The following NRXN3 variants were observed in gnomAD, a reference collection of about 807,000 sequenced individuals.
The protein encoded by NRXN3 is neurexin III.
A neutral mutation model predicts 137.6 loss-of-function variants in NRXN3; 32 were observed. That is an observed-to-expected ratio of 0.23 (90% CI 0.18 to 0.31). The LOEUF is 0.31. Ranked by LOEUF, NRXN3 falls within the 10% of genes least tolerant of loss-of-function variation. NRXN3 has a pLI of 1.00. For synonymous variants in NRXN3, 798 were observed against 784.5 expected (o/e 1.02, Z -0.29); for missense variants, 1,574 against 2,062.5 (o/e 0.76, Z 4.59).
At chr14:79,229,905 C>T (rs541148137) in intron 15 of NRXN3, among the ~76,000 whole-genome samples, 3 of 152,186 alleles carry the variant, frequency 2.0e-5, no homozygotes, top group East Asian at 3.9e-4. Flanking sequence ...ATTCAGCATG[C>T]ACAGGCTTCC....
At chr14:79,129,921 A>G (rs1215148137) in intron 15 of NRXN3, among the ~76,000 whole-genome samples, 1 of 146,792 alleles carries the variant, frequency 6.8e-6, no homozygotes, top group Admixed American at 6.8e-5. Flanking sequence ...TGATCCCTTT[A>G]CCATTATGTA....
intron 15 of NRXN3, among the ~76,000 whole-genome samples, chr14:79,146,405 G>A (rs1015002050): frequency 6.6e-6 from 1 of 152,126 alleles, no homozygotes; most frequent in Admixed American, 6.6e-5. Context: ...GGTGTTCTAG[G>A]TAGGATAGTA....
rs562028467 is a variant in NRXN3, at chr14:79,511,924, A to G, written c.3444+44522A>G. Among the ~76,000 whole-genome samples the G allele has an allele frequency of 4.1e-4, 63 of 152,324 alleles. 1 individual carries two copies. Among genetic ancestry groups the G allele is most frequent in the South Asian group, 1.2e-3 (6 of 4,826 alleles). On this transcript the variant is annotated intron_variant, in intron 16 of 20. Transcript: ENST00000335750. Reference sequence around the variant, plus strand: ...TGTTGTTCTTGTTGTTGTTTGAGACAGTTTTGCTCTTGTTGCCCAGGCTGG... The same window carrying G: ...TGTTGTTCTTGTTGTTGTTTGAGACGGTTTTGCTCTTGTTGCCCAGGCTGG...
At chr14:79,047,429 C>A (rs1283526071) in intron 15 of NRXN3, among the ~76,000 whole-genome samples, 3 of 151,934 alleles carry the variant, frequency 2.0e-5, no homozygotes, top group African/African-American at 7.3e-5. Context: ...AAGAAAGTAT[C>A]AATAGATTCA....
At chr14:79,753,047 A>G (rs371582796) in intron 19 of NRXN3, among the ~76,000 whole-genome samples, 12 of 150,616 alleles carry the variant, frequency 8.0e-5, no homozygotes, top group Admixed American at 1.3e-4. Flanking sequence ...TTAGAATGGC[A>G]ATCATTAAAA....
At chr14:79,531,039 C>T (rs1177619078) in intron 16 of NRXN3, among the ~76,000 whole-genome samples, 2 of 152,156 alleles carry the variant, frequency 1.3e-5, no homozygotes, top group Admixed American at 6.5e-5. Flanking sequence ...AGTGTCCTCA[C>T]ATTTGGATTG....
intron 4 of NRXN3, among the ~76,000 whole-genome samples, chr14:78,340,974 C>T (rs893056688): frequency 3.3e-5 from 5 of 152,142 alleles, no homozygotes; most frequent in African/African-American, 1.2e-4. Flanking sequence ...AAATATAGGA[C>T]ACTCGGTTAA....
chr14:78,372,114 T>G lies in NRXN3; in HGVS notation c.757+74254T>G, dbSNP rs80195704. ...AAAAGCATATTTATTTTCTTTCTTT[T>G]TTTTTAAAACAAGGATATCCACATT... On this transcript the variant is annotated intron_variant, in intron 4 of 20. Coordinates refer to ENST00000335750, the MANE Select transcript of NRXN3 (RefSeq NM_001330195.2). 5.2e-3 allele frequency among the ~76,000 whole-genome samples: 788 copies of G among 152,154 alleles called. 29 individuals carry two copies. The East Asian group carries it at 0.082, about 16-fold the overall frequency.
intron 16 of NRXN3, among the ~76,000 whole-genome samples, chr14:79,602,102 T>C (rs221431): frequency 0.46 from 70,483 of 152,066 alleles, 18,547 homozygotes; most frequent in African/African-American, 0.73. Flanking sequence ...AGATATTACA[T>C]ACCTACTGCA....
chr14:78,681,966 CAAGCAATTCT>C (rs2098080727), intron 6 of NRXN3, among the ~76,000 whole-genome samples: 1 of 152,086 alleles, frequency 6.6e-6, no homozygotes, highest in Non-Finnish European at 1.5e-5. Flanking sequence ...CTCCCGGGTT[CAAGCAATTCT>C]CCTGCCTCAG....
At chr14:79,741,231 C>T (rs549302703) in intron 19 of NRXN3, among the ~76,000 whole-genome samples, 77 of 152,194 alleles carry the variant, frequency 5.1e-4, no homozygotes, top group African/African-American at 1.8e-3. Flanking sequence ...ACCTTCATTC[C>T]TTAAATATAT....
chr14:79,744,434 T>G (rs1457507771), intron 19 of NRXN3, among the ~76,000 whole-genome samples: 1 of 152,184 alleles, frequency 6.6e-6, no homozygotes, highest in Non-Finnish European at 1.5e-5. Context: ...AAAAATGAAC[T>G]TATGTCACAT....
At chr14:78,852,075 C>T (rs150436032) in intron 10 of NRXN3, among the ~76,000 whole-genome samples, 15 of 152,210 alleles carry the variant, frequency 9.9e-5, no homozygotes, top group Middle Eastern at 6.8e-3. Context: ...TTTACTTAAG[C>T]AACTTCATTG....
chr14:78,994,379 T>A (rs1447116511), intron 15 of NRXN3, among the ~76,000 whole-genome samples: 1 of 152,176 alleles, frequency 6.6e-6, no homozygotes, highest in Non-Finnish European at 1.5e-5. Flanking sequence ...AGGCTATGCA[T>A]TTTTCAAGAT....
At position 79,846,456 on chromosome 14, in the gene NRXN3, A is replaced by G. The variant is rs2099372983; in HGVS notation, c.4094-14886A>G. 2.0e-5 allele frequency among the ~76,000 whole-genome samples: 3 copies of G among 152,142 alleles called. No individual in the cohort carries two copies. The South Asian group carries it at 6.2e-4, about 32-fold the overall frequency. On this transcript the variant is annotated intron_variant, in intron 20 of 20. Coordinates refer to ENST00000335750, the MANE Select transcript of NRXN3 (RefSeq NM_001330195.2). Reference sequence around the variant, plus strand: ...AGAACCCAGGACAGCCTCAAACCCAACACTTAGAATGGTATTTCTGCATGC... The same window carrying G: ...AGAACCCAGGACAGCCTCAAACCCAGCACTTAGAATGGTATTTCTGCATGC...
intron 1 of NRXN3, among the ~76,000 whole-genome samples, chr14:78,193,999 G>T (rs569120170): frequency 6.6e-6 from 1 of 152,126 alleles, no homozygotes; most frequent in Non-Finnish European, 1.5e-5. Flanking sequence ...CTCCCCCTCT[G>T]CATCTGGACT....
chr14:79,522,249 C>T (rs981902265), intron 16 of NRXN3, among the ~76,000 whole-genome samples: 16 of 152,114 alleles, frequency 1.1e-4, no homozygotes, highest in Admixed American at 5.2e-4. Flanking sequence ...CTTGACAGAC[C>T]GAGGAGTCTG....
rs548507470 is a variant in NRXN3, at chr14:79,164,088, C to T, written c.3262+175947C>T. On this transcript the variant is annotated intron_variant, in intron 15 of 20. Coordinates refer to ENST00000335750, the MANE Select transcript of NRXN3 (RefSeq NM_001330195.2). ...CTTACCAATTTGTTTCTCATCTTCT[C>T]CTTAATAACCTTATGAATAAGTTTT... 3.3e-5 allele frequency among the ~76,000 whole-genome samples: 5 copies of T among 152,040 alleles called. No homozygotes were observed. The South Asian group carries it at 1.0e-3, about 31-fold the overall frequency.
At chr14:79,688,944 C>G (rs1323705078) in intron 17 of NRXN3, among the ~76,000 whole-genome samples, 1 of 151,768 alleles carries the variant, frequency 6.6e-6, no homozygotes, top group Non-Finnish European at 1.5e-5. Flanking sequence ...TTTCTAAAAC[C>G]CAGTCCCATA....
Sources: allele counts gnomAD v4.1 joint callset (sites outside exome capture counted in the v4.1 genomes callset), GRCh38; gene constraint gnomAD v4.1.1; transcripts MANE v1.5; gene names NCBI Gene and HGNC (gene_info 2026-07-23, HGNC 2026-07-21).